Variants in ATL2 observed in about 807,000 individuals in gnomAD.
ATL2 encodes atlastin GTPase 2.
Under a neutral mutation model 73.9 loss-of-function variants are expected in ATL2, and 31 were observed. That is an observed-to-expected ratio of 0.42 (90% confidence interval 0.32 to 0.57). The LOEUF is 0.57. ATL2 is among the 20% of genes least tolerant of loss of function. The pLI is 0.14. For synonymous variants in ATL2, 291 were observed against 237.5 expected (o/e 1.23, Z -2.07); for missense variants, 738 against 702.6 (o/e 1.05, Z -0.57).
intron 9 of ATL2, among the ~76,000 whole-genome samples, chr2:38,308,869 A>T (rs1206283627): frequency 6.6e-6 from 1 of 152,120 alleles, no homozygotes; most frequent in South Asian, 2.1e-4. Context: ...TAAAACTACT[A>T]CAAATAATAC....
chr2:38,344,350 G>A (rs1327264157), intron 1 of ATL2, among the ~76,000 whole-genome samples: 3 of 152,078 alleles, frequency 2.0e-5, no homozygotes, highest in East Asian at 1.9e-4. Context: ...GGTGCAGTGG[G>A]TGTAATCCCA....
chr2:38,313,706 C>T (rs748693481), intron 6 of ATL2, among the ~76,000 whole-genome samples: 4 of 140,012 alleles, frequency 2.9e-5, no homozygotes, highest in Non-Finnish European at 6.3e-5. Flanking sequence ...TGGGTCAGCA[C>T]TGCTGACATT....
At chr2:38,323,972 A>G (rs1160726704) in intron 2 of ATL2, among the ~76,000 whole-genome samples, 2 of 152,232 alleles carry the variant, frequency 1.3e-5, no homozygotes, top group Non-Finnish European at 2.9e-5. Context: ...AGGAATAAAA[A>G]GAATGAAATT....
chr2:38,370,026 C>T (rs998531203), intron 1 of ATL2, among the ~76,000 whole-genome samples: 3 of 150,394 alleles, frequency 2.0e-5, no homozygotes, highest in African/African-American at 7.4e-5. Context: ...AGGTGGCGGG[C>T]GCCTGTAGTC....
intron 1 of ATL2, among the ~76,000 whole-genome samples, chr2:38,360,121 T>C (rs1176570123): frequency 3.4e-5 from 4 of 119,402 alleles, no homozygotes; most frequent in Non-Finnish European, 4.8e-5. Context: ...AGAGCAAGGC[T>C]CCATTTCAAA....
rs760149055 is a variant in ATL2 at position 38,343,534 on chromosome 2, A to T, written c.119-22T>A. 2.5e-6 allele frequency: 4 copies of T among 1,594,400 alleles called. No individual in the cohort carries two copies. The East Asian group carries it at 8.9e-5, about 36-fold the overall frequency. On this transcript the variant is annotated intron_variant, in intron 1 of 12. Transcript: ENST00000378954. ...TCACCTAGAATTTAAAAAGAAAGAA[A>T]CTGGTTACTTTAATCCCTATATTAC...
At chr2:38,354,155 C>T (rs943044984) in intron 1 of ATL2, 6 of 424,664 alleles carry the variant, frequency 1.4e-5, no homozygotes, top group African/African-American at 2.3e-5. Flanking sequence ...CACTGCACTC[C>T]AACCTGGCGA....
In ATL2 at chr2:38,309,370, C is replaced by T; in HGVS notation, c.1071+9G>A. On this transcript the variant is annotated intron_variant, in intron 9 of 12. Coordinates refer to ENST00000378954, the MANE Select transcript of ATL2 (RefSeq NM_001135673.4). The stretch of plus-strand genomic sequence containing the variant: ...TATCTTAGACAAAACTGTTTAAGAG[C>T]TCACCTACCTTAAAATATTCTACAA... The T allele has an allele frequency of 6.3e-7, 1 of 1,598,886 alleles. No individual in the cohort carries two copies. The highest frequency in any genetic ancestry group is 8.5e-7 in the Non-Finnish European group (1 of 1,177,000).
At chr2:38,366,696 C>G (rs1398048595) in intron 1 of ATL2, among the ~76,000 whole-genome samples, 1 of 152,154 alleles carries the variant, frequency 6.6e-6, no homozygotes, top group Non-Finnish European at 1.5e-5. Context: ...CACAAATATG[C>G]ATAAAGTCTC....
chr2:38,364,399 T>C (rs1406747610), intron 1 of ATL2, among the ~76,000 whole-genome samples: 2 of 152,156 alleles, frequency 1.3e-5, no homozygotes, highest in Admixed American at 6.6e-5. Context: ...CTCAAAGTGA[T>C]GAGTAAGAAG....
rs191916009 is a variant in ATL2 at position 38,343,840 on chromosome 2, G to A, written c.119-328C>T. 7.5e-4 allele frequency among the ~76,000 whole-genome samples: 114 copies of A among 152,236 alleles called. 1 individual carries two copies. Among genetic ancestry groups the A allele is most frequent in the African/African-American group, 2.7e-3 (111 of 41,560 alleles). ...TCTCCTGTGCTGTTCTCATGATAGTGAATAAGTCTCACGAAATTTGATGAT... is the reference window on the plus strand; with the variant it reads ...TCTCCTGTGCTGTTCTCATGATAGTAAATAAGTCTCACGAAATTTGATGAT... On this transcript the variant is annotated intron_variant, in intron 1 of 12. Transcript: ENST00000378954.
intron 1 of ATL2, among the ~76,000 whole-genome samples, chr2:38,368,247 CT>C (rs569726038): frequency 3.7e-3 from 509 of 137,922 alleles, no homozygotes; most frequent in Middle Eastern, 8.0e-3. Context: ...AAAATAAGGA[CT>C]TTTTTTTTTT....
At chr2:38,327,019 C>A (rs1332644099) in intron 2 of ATL2, among the ~76,000 whole-genome samples, 1 of 150,084 alleles carries the variant, frequency 6.7e-6, no homozygotes. Flanking sequence ...ATCATGCAAG[C>A]AGGAAGGAAA....
chr2:38,335,709 G>A (rs778709541), intron 2 of ATL2, among the ~76,000 whole-genome samples: 3 of 152,080 alleles, frequency 2.0e-5, no homozygotes, highest in Non-Finnish European at 4.4e-5. Context: ...GCTATATTAA[G>A]GTTTATACAC....
intron 1 of ATL2, among the ~76,000 whole-genome samples, chr2:38,372,229 A>AT: frequency 6.6e-6 from 1 of 150,894 alleles, no homozygotes; most frequent in East Asian, 1.9e-4. Context: ...TCAGCCCTCC[A>AT]TATCTATGGG....
At chr2:38,335,904 G>A (rs1422789033) in intron 2 of ATL2, among the ~76,000 whole-genome samples, 1 of 152,174 alleles carries the variant, frequency 6.6e-6, no homozygotes, top group Non-Finnish European at 1.5e-5. Flanking sequence ...GCAGGGCATG[G>A]TGGCGGGAGG....
At chr2:38,316,762 G>T (rs1668045821) in intron 4 of ATL2, among the ~76,000 whole-genome samples, 1 of 152,124 alleles carries the variant, frequency 6.6e-6, no homozygotes, top group African/African-American at 2.4e-5. Context: ...TTAAGTGGCT[G>T]TCTAAAACCA....
At chr2:38,332,256 G>T (rs1472957495) in intron 2 of ATL2, among the ~76,000 whole-genome samples, 1 of 152,186 alleles carries the variant, frequency 6.6e-6, no homozygotes. Flanking sequence ...TCCCAGACTG[G>T]AGTGCAATAG....
chr2:38,370,489 C>A lies in ATL2; in HGVS notation c.118+6654G>T, dbSNP rs986808229. Among the ~76,000 whole-genome samples the A allele has an allele frequency of 1.2e-4, 17 of 143,424 alleles. No homozygotes were observed. In the Admixed American group the frequency reaches 1.2e-3, roughly 10 times the overall value. 94.1% of individuals were successfully genotyped at this position (143,424 alleles called of 152,430 possible). A position where few individuals can be genotyped will look rare whatever the true frequency, so the allele number is the denominator to read the frequency against. ...AAAAAAAAAAAAAAAAAAATCAACC[C>A]AGCCAGCACAGTGGCTCATGCCTGT... On this transcript the variant is annotated intron_variant, in intron 1 of 12. Coordinates refer to ENST00000378954, the MANE Select transcript of ATL2 (RefSeq NM_001135673.4).
Sources: allele counts gnomAD v4.1 joint callset (sites outside exome capture counted in the v4.1 genomes callset), GRCh38; gene constraint gnomAD v4.1.1; transcripts MANE v1.5; gene names NCBI Gene and HGNC (gene_info 2026-07-23, HGNC 2026-07-21).